BACH1: variants seen among roughly 807,000 people sequenced by gnomAD.
BACH1 encodes the protein BTB domain and CNC homolog 1.
A neutral mutation model predicts 52.9 loss-of-function variants in BACH1; 35 were observed. The ratio of observed to expected loss-of-function variants is 0.66; its 90% CI spans 0.51 to 0.88. The LOEUF is 0.88. BACH1 is among the 40% of genes least tolerant of loss of function. BACH1 has a pLI of 0.00. For missense variants in BACH1, 808 were observed against 872.6 expected, an observed-to-expected ratio of 0.93 and a Z score of 0.93; for synonymous variants, 321 against 319.6, an observed-to-expected ratio of 1.00 and a Z score of -0.05.
At chr21:29,334,036 C>A (rs1324976669) in intron 4 of BACH1, among the ~76,000 whole-genome samples, 1 of 152,042 alleles carries the variant, frequency 6.6e-6, no homozygotes, top group East Asian at 1.9e-4. Context: ...GCTTTTATTA[C>A]AAGAACTGAA....
chr21:29,314,992 T>C (rs1180714270), intron 1 of BACH1, among the ~76,000 whole-genome samples: 1 of 152,202 alleles, frequency 6.6e-6, no homozygotes, highest in Non-Finnish European at 1.5e-5. Flanking sequence ...AAGAATGTTG[T>C]CTTAAATTAC....
chr21:29,337,473 TCA>T (rs1216566087), intron 4 of BACH1, among the ~76,000 whole-genome samples: 3 of 152,238 alleles, frequency 2.0e-5, no homozygotes, highest in African/African-American at 7.2e-5. Flanking sequence ...GCTTTTGTCT[TCA>T]CTTCTGTGTT....
At chr21:29,328,168 C>A (rs2088937237) in intron 3 of BACH1, among the ~76,000 whole-genome samples, 1 of 152,176 alleles carries the variant, frequency 6.6e-6, no homozygotes, top group South Asian at 2.1e-4. Context: ...TTTATTGGAT[C>A]TAGTTTTTCA....
At chr21:29,348,065 T>C (rs1301937837), downstream of BACH1, among the ~76,000 whole-genome samples, 3 of 152,172 alleles carry the variant, frequency 2.0e-5, no homozygotes, top group Non-Finnish European at 2.9e-5. Flanking sequence ...CAAATCAAAT[T>C]ATTTTGTCCA....
intron 1 of BACH1, among the ~76,000 whole-genome samples, chr21:29,312,208 G>A (rs913303742): frequency 3.3e-5 from 5 of 152,080 alleles, no homozygotes; most frequent in East Asian, 1.9e-4. Context: ...GAAATTTTAC[G>A]TGTTGGGGGA....
intron 1 of BACH1, among the ~76,000 whole-genome samples, chr21:29,306,720 A>G (rs767126393): frequency 5.3e-5 from 8 of 152,160 alleles, no homozygotes; most frequent in Non-Finnish European, 1.0e-4. Context: ...CTTAGATACA[A>G]ACTTCGGAGG....
chr21:29,314,776 A>G (rs1208297340), intron 1 of BACH1, among the ~76,000 whole-genome samples: 1 of 152,070 alleles, frequency 6.6e-6, no homozygotes, highest in Non-Finnish European at 1.5e-5. Context: ...TTTTCAAAAT[A>G]TATTTGTCAG....
chr21:29,331,156 A>G lies in BACH1; in HGVS notation c.1776+1463A>G, dbSNP rs143836458. Among the ~76,000 whole-genome samples, 174 of 152,268 alleles carry G rather than the reference A, an allele frequency of 1.1e-3. 1 individual carries two copies. Among genetic ancestry groups the G allele is most frequent in the Middle Eastern group, 3.4e-3 (1 of 294 alleles). On this transcript the variant is annotated intron_variant, in intron 4 of 4. Transcript: ENST00000286800. Reference sequence around the variant, plus strand: ...TACCTGCCTTTAGAAGGAGTATAGCATTTTGAGCTTCAGTTTTTATTCTGT... The same window carrying G: ...TACCTGCCTTTAGAAGGAGTATAGCGTTTTGAGCTTCAGTTTTTATTCTGT...
rs1422805675 is a variant in BACH1 at position 29,344,383 on chromosome 21, G to A, written c.*1550G>A. The A allele has an allele frequency of 6.6e-6, 1 of 152,618 alleles. No homozygotes were observed. The highest frequency in any genetic ancestry group is 1.5e-5 in the Non-Finnish European group (1 of 68,048). 9.5% of individuals were successfully genotyped at this position (152,618 alleles called of 1,614,324 possible). A position where few individuals can be genotyped will look rare whatever the true frequency, so the allele number is the denominator to read the frequency against. ...AACAAGTCTGAAGCAAGTTGGCCTT[G>A]CCCTTGAGAGTATATGGGGACCAGT... On this transcript the variant is annotated 3_prime_UTR_variant, in exon 5 of 5. Transcript: ENST00000286800.
At chr21:29,311,962 TG>T in intron 1 of BACH1, among the ~76,000 whole-genome samples, 1 of 152,256 alleles carries the variant, frequency 6.6e-6, no homozygotes, top group Non-Finnish European at 1.5e-5. Flanking sequence ...TAACTGACAG[TG>T]GAGTCCTCAA....
intron 4 of BACH1, among the ~76,000 whole-genome samples, chr21:29,330,195 T>C (rs2088964060): frequency 6.6e-6 from 1 of 152,194 alleles, no homozygotes; most frequent in Non-Finnish European, 1.5e-5. Context: ...GATGGAGTCT[T>C]GCTTTGTCGC....
chr21:29,342,259 G>A, intron 4 of BACH1, 140 bp from the exon 5 acceptor site: 1 of 855,968 alleles, frequency 1.2e-6, no homozygotes, highest in Admixed American at 2.9e-5. Flanking sequence ...AGTATTTAAT[G>A]TATAATTGAA....
intron 4 of BACH1, among the ~76,000 whole-genome samples, chr21:29,331,369 TAAA>T (rs545324168): frequency 9.6e-4 from 147 of 152,332 alleles, no homozygotes; most frequent in Non-Finnish European, 1.9e-3. Context: ...CCTCTAAAAA[TAAA>T]AATAAAAGCG....
At chr21:29,309,257 C>CA (rs3054257) in intron 1 of BACH1, among the ~76,000 whole-genome samples, 4,326 of 91,642 alleles carry the variant, frequency 0.047, 179 homozygotes, top group African/African-American at 0.14. Flanking sequence ...GACTCTGTCT[C>CA]AAAAAAAAAA....
chr21:29,360,571 G>T (rs1048576527), intron 2 of BACH1, among the ~76,000 whole-genome samples: 1 of 152,080 alleles, frequency 6.6e-6, no homozygotes, highest in South Asian at 2.1e-4. Flanking sequence ...CTGGCCAGGC[G>T]CAGTGGCTCA....
chr21:29,310,590 C>T (rs978919212), intron 1 of BACH1, among the ~76,000 whole-genome samples: 9 of 152,224 alleles, frequency 5.9e-5, no homozygotes, highest in African/African-American at 2.2e-4. Context: ...GTGATCGTGT[C>T]TCCATTGTGG....
chr21:29,355,740 AAGGGTCCG>A (rs889526584), intron 2 of BACH1, among the ~76,000 whole-genome samples: 10 of 152,198 alleles, frequency 6.6e-5, no homozygotes, highest in Non-Finnish European at 1.3e-4. Flanking sequence ...GGTTAAAAAT[AAGGGTCCG>A]AAGGCGAGTA....
intron 2 of BACH1, among the ~76,000 whole-genome samples, chr21:29,324,083 C>T (rs745358384): frequency 3.9e-5 from 6 of 152,052 alleles, no homozygotes; most frequent in Non-Finnish European, 5.9e-5. Context: ...GAAACCACAT[C>T]TCTACTAAAA....
rs1225288878 is a variant in BACH1, at chr21:29,342,634, G to A, written c.2012G>A (p.Ser671Asn). 1.9e-6 allele frequency: 3 copies of A among 1,614,068 alleles called. No homozygotes were observed. The highest frequency in any genetic ancestry group is 1.3e-5 in the African/African-American group (1 of 74,922). Residue 671 changes from serine to asparagine, a missense_variant, in exon 5 of 5, where the codon AGT becomes AAT. Transcript: ENST00000286800. ...DGELALPSIFSLSDRPPAVLP... is the reference protein window; with the variant it reads ...DGELALPSIFNLSDRPPAVLP... The stretch of plus-strand genomic sequence containing the variant: ...GAACTGGCGTTACCATCAATTTTCA[G>A]TTTATCTGACCGGCCTCCAGCAGTG...
Sources: allele counts gnomAD v4.1 joint callset (sites outside exome capture counted in the v4.1 genomes callset), GRCh38; gene constraint gnomAD v4.1.1; transcripts MANE v1.5; gene names NCBI Gene and HGNC (gene_info 2026-07-23, HGNC 2026-07-21).